ZNFX1: variants seen among roughly 807,000 people sequenced by gnomAD.
ZNFX1 encodes NFX1-type zinc finger-containing protein 1.
In ZNFX1, 78 loss-of-function variants were observed where a neutral mutation model predicts 179.8. The ratio of observed to expected loss-of-function variants is 0.43; its 90% CI spans 0.36 to 0.52. The LOEUF is 0.52. Among genes scored for constraint, ZNFX1 ranks in the 20% least tolerant of loss-of-function variants. The probability of loss-of-function intolerance (pLI) is 0.00; values close to 1 mark genes in which losing one functional copy is unlikely to be tolerated. For synonymous variants in ZNFX1, 848 were observed against 868.5 expected (o/e 0.98, Z 0.42); for missense variants, 1,927 against 2,386.6 (o/e 0.81, Z 4.01).
At chr20:49,264,166 G>C (rs762388399) in intron 5 of ZNFX1, among the ~76,000 whole-genome samples, 25 of 152,220 alleles carry the variant, frequency 1.6e-4, no homozygotes, top group Non-Finnish European at 3.4e-4. Flanking sequence ...AGGTTGCAGT[G>C]AGCCGAGATT....
chr20:49,270,197 A>G lies in ZNFX1; in HGVS notation c.1615T>C (p.Cys539Arg). Reference protein sequence around the residue: ...DVPFQRNIVECNSHVKEPRYL... With the variant: ...DVPFQRNIVERNSHVKEPRYL... ...CTTGGCTCCTTCACATGAGAGTTAC[A>G]CTCCACGATATTCCTCTGGAAGGGA... The change falls in exon 3 of 14, where the codon TGT becomes CGT. Residue 539 changes from cysteine to arginine, a missense_variant. Transcript: ENST00000396105. This position sits in a 1 kb window ranked among gnomAD's most constrained non-coding sequence, Gnocchi z 4.6. 1 of 1,613,808 alleles carries G rather than the reference A, an allele frequency of 6.2e-7. No homozygotes were observed. Among genetic ancestry groups the G allele is most frequent in the African/African-American group, 1.3e-5 (1 of 74,970 alleles).
chr20:49,275,466 C>CTGGGACTA (rs1981533107), intron 2 of ZNFX1, among the ~76,000 whole-genome samples: 2 of 152,136 alleles, frequency 1.3e-5, no homozygotes, highest in African/African-American at 2.4e-5. Flanking sequence ...CCCACTTCAG[C>CTGGGACTA]CTCCCAAGTA....
intron 7 of ZNFX1, among the ~76,000 whole-genome samples, chr20:49,259,666 C>T (rs766771012): frequency 1.5e-4 from 23 of 152,096 alleles, no homozygotes; most frequent in African/African-American, 4.6e-4. Context: ...TGGGCTGAAA[C>T]GATCCTCCTG....
rs200829735 is a variant in ZNFX1 at position 49,270,111 on chromosome 20, A to G, written c.1701T>C (p.Thr567=). ...FTPLIENPSA[T]GEFLRNVEGL... ...CCTCGACATTTCTTAGAAATTCCCCAGTGGCTGAAGGATTCTCTATTAAGG... is the reference window on the plus strand; with the variant it reads ...CCTCGACATTTCTTAGAAATTCCCCGGTGGCTGAAGGATTCTCTATTAAGG... Residue 567 remains threonine (T), a synonymous_variant, in exon 3 of 14, where the codon ACT becomes ACC. Transcript: ENST00000396105. The surrounding 1 kb of genome is among the most constrained non-coding windows in gnomAD (Gnocchi z 4.6). 116 of 1,614,136 alleles carry G rather than the reference A, an allele frequency of 7.2e-5. No homozygotes were observed. Among genetic ancestry groups the G allele is most frequent in the Middle Eastern group, 4.9e-4 (3 of 6,084 alleles).
intron 6 of ZNFX1, among the ~76,000 whole-genome samples, chr20:49,262,073 G>A (rs1012504589): frequency 3.3e-5 from 5 of 151,364 alleles, no homozygotes; most frequent in Admixed American, 6.6e-5. Flanking sequence ...CTGTGAACTG[G>A]CATCTCCTTG....
intron 3 of ZNFX1, 107 bp downstream of exon 3, chr20:49,269,835 A>T: frequency 7.2e-7 from 1 of 1,383,972 alleles, no homozygotes; most frequent in Non-Finnish European, 9.8e-7. Flanking sequence ...AAAGTTGGAA[A>T]ATAAAATAAG....
At chr20:49,253,897 T>C in intron 10 of ZNFX1, 86 bp from the exon 11 acceptor site, 1 of 1,509,890 alleles carries the variant, frequency 6.6e-7, no homozygotes, top group Non-Finnish European at 9.0e-7. Flanking sequence ...TCCACTTCTG[T>C]ATCTTCCCTG....
chr20:49,261,220 C>G (rs996172992), intron 6 of ZNFX1, among the ~76,000 whole-genome samples: 1 of 152,054 alleles, frequency 6.6e-6, no homozygotes, highest in African/African-American at 2.4e-5. Flanking sequence ...GGCTCAAGAC[C>G]CTATCTCAAA....
chr20:49,272,081 T>C (rs181848103), intron 2 of ZNFX1, among the ~76,000 whole-genome samples: 4 of 152,170 alleles, frequency 2.6e-5, no homozygotes, highest in Non-Finnish European at 5.9e-5. Flanking sequence ...AGAACATGAG[T>C]TTAAAGGCCA....
Position 49,247,745 on chromosome 20 carries a change from A to C in ZNFX1, c.5279T>G (p.Ile1760Ser). 6.2e-7 allele frequency: 1 copy of C among 1,614,070 alleles called. No homozygotes were observed. Among genetic ancestry groups the C allele is most frequent in the Non-Finnish European group, 8.5e-7 (1 of 1,180,018 alleles). Reference protein sequence around the residue: ...SQELSDLRSEIQRLTYLVNLL... With the variant: ...SQELSDLRSESQRLTYLVNLL... The stretch of plus-strand genomic sequence containing the variant: ...GTTCACCAGGTATGTGAGCCTCTGG[A>C]TTTCACTTCGGAGGTCACTTAGTTC... The change falls in exon 14 of 14, where the codon ATC (isoleucine) becomes AGC (serine). Residue 1760 changes from isoleucine to serine, a missense_variant. Physicochemically the swap from Ile to Ser is moderately radical, Grantham distance 142. Transcript: ENST00000396105.
rs1568979799 is a variant in ZNFX1 at position 49,246,890 on chromosome 20, C to CA, written c.*376dup. 2.2e-6 allele frequency: 1 copy of CA among 458,354 alleles called. No individual in the cohort carries two copies. Among genetic ancestry groups the CA allele is most frequent in the South Asian group, 1.6e-5 (1 of 64,412 alleles). 28.4% of individuals were successfully genotyped at this position (458,354 alleles called of 1,614,324 possible). A position where few individuals can be genotyped will look rare whatever the true frequency, so the allele number is the denominator to read the frequency against. ...AAGAATGATTTTTTTTTTTTTGAGA[C>CA]AGAGTCTTGCTCCTGTCGCCCAGAC... On this transcript the variant is annotated 3_prime_UTR_variant, in exon 14 of 14. Transcript: ENST00000396105.
intron 7 of ZNFX1, among the ~76,000 whole-genome samples, chr20:49,258,035 A>C (rs1981015368): frequency 1.3e-5 from 2 of 150,902 alleles, no homozygotes; most frequent in South Asian, 4.2e-4. Context: ...CTTGAAGCTA[A>C]GGGACAGAAG....
chr20:49,250,132 A>G (rs1298820318), intron 13 of ZNFX1, among the ~76,000 whole-genome samples: 1 of 152,120 alleles, frequency 6.6e-6, no homozygotes. Flanking sequence ...GTGGGCGCCT[A>G]TAATCCCAGC....
At chr20:49,272,889 A>G (rs933170135) in intron 2 of ZNFX1, among the ~76,000 whole-genome samples, 2 of 152,204 alleles carry the variant, frequency 1.3e-5, no homozygotes, top group African/African-American at 4.8e-5. Context: ...TAACATACCC[A>G]AAGTCCAGTT....
Position 49,248,286 on chromosome 20 carries a change from C to G in ZNFX1, c.4738G>C (p.Glu1580Gln), listed in dbSNP as rs768840090. Reference protein sequence around the residue: ...VTQIFFGFEDEPDARFVQLED... With the variant: ...VTQIFFGFEDQPDARFVQLED... The stretch of plus-strand genomic sequence containing the variant: ...AGCTGCACAAAGCGGGCATCAGGCT[C>G]ATCCTCAAAGCCAAAGAATATTTGG... The change falls in exon 14 of 14, where the codon GAG becomes CAG. Residue 1580 changes from glutamate (E) to glutamine (Q), a missense_variant. By Grantham distance (29) the Glu-to-Gln change is conservative. Coordinates refer to ENST00000396105, the MANE Select transcript of ZNFX1 (RefSeq NM_021035.3). This position sits in a 1 kb window ranked among gnomAD's most constrained non-coding sequence, Gnocchi z 4.6. 6.2e-7 allele frequency: 1 copy of G among 1,614,162 alleles called. No homozygotes were observed.
At chr20:49,277,245 G>T (rs1036579166) in intron 1 of ZNFX1, among the ~76,000 whole-genome samples, 3 of 152,122 alleles carry the variant, frequency 2.0e-5, no homozygotes, top group Non-Finnish European at 4.4e-5. Context: ...GGGTTTGGGG[G>T]AAGTCTCCAG....
chr20:49,270,056 C>T lies in ZNFX1; in HGVS notation c.1756G>A (p.Asp586Asn), dbSNP rs759789120. The change falls in exon 3 of 14, where the codon GAT becomes AAT. Residue 586 changes from aspartate to asparagine, a missense_variant. Transcript: ENST00000396105. The surrounding 1 kb of genome is among the most constrained non-coding windows in gnomAD (Gnocchi z 4.6). ...GLRHPRINVLDPGQWPSKEAL... is the reference protein window; with the variant it reads ...GLRHPRINVLNPGQWPSKEAL... ...TCTTTTGAGGGCCACTGGCCAGGAT[C>T]TAAGACATTAATTCTGGGATGTCTC... The T allele has an allele frequency of 6.2e-7, 1 of 1,614,132 alleles. No homozygotes were observed. Among genetic ancestry groups the T allele is most frequent in the Non-Finnish European group, 8.5e-7 (1 of 1,180,046 alleles).
intron 8 of ZNFX1, among the ~76,000 whole-genome samples, chr20:49,256,473 C>T (rs369258210): frequency 2.6e-5 from 4 of 152,180 alleles, no homozygotes; most frequent in African/African-American, 4.8e-5. Flanking sequence ...CTAAAACGGT[C>T]CTACTGCCAT....
rs1488507236 is a variant in ZNFX1, at chr20:49,263,366, G to A, written c.2269C>T (p.His757Tyr). 1 of 1,613,672 alleles carries A rather than the reference G, an allele frequency of 6.2e-7. No individual in the cohort carries two copies. The highest frequency in any genetic ancestry group is 8.5e-7 in the Non-Finnish European group (1 of 1,180,028). ...QYLQKYISPQHWESLMNGPVQ... is the reference protein window; with the variant it reads ...QYLQKYISPQYWESLMNGPVQ... ...GGTCCATTCATGAGACTTTCCCAGT[G>A]CTGGGGTGAGATGTACTTCTGCAGG... The change falls in exon 6 of 14, where the codon CAC (histidine) becomes TAC (tyrosine). Residue 757 changes from histidine to tyrosine, a missense_variant. Coordinates refer to ENST00000396105, the MANE Select transcript of ZNFX1 (RefSeq NM_021035.3).
Sources: gnomAD v4.1 joint callset for allele counts (sites outside exome capture counted in the v4.1 genomes callset) on GRCh38, gnomAD v4.1.1 for gene constraint, Gnocchi (gnomAD v3.1) non-coding constraint, MANE v1.5 for transcripts, NCBI Gene and HGNC (gene_info 2026-07-23, HGNC 2026-07-21) for gene names.